ERP29: variants seen among roughly 807,000 people sequenced by gnomAD.
ERP29 encodes the protein endoplasmic reticulum resident protein 29.
A neutral mutation model predicts 21.7 loss-of-function variants in ERP29; 14 were observed. That is an observed-to-expected ratio of 0.64 (90% CI 0.43 to 1.01). The LOEUF (loss-of-function observed/expected upper bound fraction) is 1.01. Ranked by LOEUF, ERP29 falls within the 50% of genes least tolerant of loss-of-function variation. The pLI is 0.00. For synonymous variants in ERP29, 129 were observed against 139.1 expected, an observed-to-expected ratio of 0.93 and a Z score of 0.51; for missense variants, 286 against 327.3, an observed-to-expected ratio of 0.87 and a Z score of 0.97.
intron 1 of ERP29, chr12:112,015,259 A>ATG (rs2078004111): frequency 1.4e-5 from 2 of 144,484 alleles, no homozygotes; most frequent in South Asian, 4.6e-4. Flanking sequence ...AGGCTGAGGC[A>ATG]GGTAGATCAC....
chr12:112,022,409 G>C lies in ERP29; in HGVS notation c.543G>C (p.Leu181Phe), dbSNP rs771308412. The C allele has an allele frequency of 6.2e-7, 1 of 1,614,210 alleles. No homozygotes were observed. The highest frequency in any genetic ancestry group is 8.5e-7 in the Non-Finnish European group (1 of 1,180,022). ...ASGVEARQAL[L>F]KQGQDNLSSV... ...GTGTGGAGGCCCGCCAGGCCCTCTT[G>C]AAGCAGGGGCAAGATAACCTCTCAA... Residue 181 changes from leucine to phenylalanine, a missense_variant, in exon 3 of 3, where the codon TTG (leucine) becomes TTC (phenylalanine). Leu to Phe is a conservative substitution (Grantham distance 22). Coordinates refer to ENST00000261735, the MANE Select transcript of ERP29 (RefSeq NM_006817.4).
At chr12:112,015,680 G>C (rs1237307212) in intron 1 of ERP29, among the ~76,000 whole-genome samples, 1 of 152,094 alleles carries the variant, frequency 6.6e-6, no homozygotes, top group Admixed American at 6.6e-5. Context: ...AAAGCTAACA[G>C]TGTTTTCTAC....
At chr12:112,020,034 A>G (rs765811956) in intron 2 of ERP29, 140 bp downstream of exon 2, 86 of 1,046,568 alleles carry the variant, frequency 8.2e-5, no homozygotes, top group Non-Finnish European at 3.5e-5. Flanking sequence ...CATGGTCTCT[A>G]AAGGAATCTG....
At position 112,021,515 on chromosome 12, in the gene ERP29, CTTTTTTTTT is replaced by C. The variant is rs1164185865; in HGVS notation, c.284-617_284-609del. On this transcript the variant is annotated intron_variant, in intron 2 of 2. Coordinates refer to ENST00000261735, the MANE Select transcript of ERP29 (RefSeq NM_006817.4). ...CTTAGAAGAATATGAGCTTAATAGT[CTTTTTTTTT>C]TTTTTTTTTTTTTTTTTGAGACAAA... is the stretch of plus-strand genomic sequence containing the variant. Among the ~76,000 whole-genome samples the C allele has an allele frequency of 4.3e-5, 3 of 70,042 alleles. No individual in the cohort carries two copies. The East Asian group carries it at 2.4e-3, about 55-fold the overall frequency. The allele number at this position is 70,042 out of a possible 152,430, so 46.0% of individuals were successfully genotyped here. A position where few individuals can be genotyped will look rare whatever the true frequency, so the allele number is the denominator to read the frequency against.
chr12:112,013,509 T>G lies in ERP29; in HGVS notation c.44T>G (p.Leu15Arg). 1 of 1,612,564 alleles carries G rather than the reference T, an allele frequency of 6.2e-7. No individual in the cohort carries two copies. Among genetic ancestry groups the G allele is most frequent in the Middle Eastern group, 1.7e-4 (1 of 6,058 alleles). Reference sequence around the variant, plus strand: ...CGCGCCGCATTTCTCTCCCCGCTGCTTCCCCTTCTCCTGGGCTTCCTGCTC... The same window carrying G: ...CGCGCCGCATTTCTCTCCCCGCTGCGTCCCCTTCTCCTGGGCTTCCTGCTC... ...VPRAAFLSPL[L>R]PLLLGFLLLS... The change falls in exon 1 of 3, where the codon CTT becomes CGT. Residue 15 changes from leucine (L) to arginine (R), a missense_variant. Coordinates refer to ENST00000261735, the MANE Select transcript of ERP29 (RefSeq NM_006817.4).
chr12:112,020,982 T>C (rs901606178), intron 2 of ERP29, among the ~76,000 whole-genome samples: 1 of 152,226 alleles, frequency 6.6e-6, no homozygotes, highest in African/African-American at 2.4e-5. Context: ...TAGTTGGTCT[T>C]AGCCGTTTCT....
At chr12:112,022,027 TC>T (rs2078050189) in intron 2 of ERP29, 122 bp from the exon 3 acceptor site, 1 of 911,468 alleles carries the variant, frequency 1.1e-6, no homozygotes, top group Admixed American at 2.4e-5. Flanking sequence ...TGGTTGCTCC[TC>T]ACTTTGAACC....
At position 112,023,396 on chromosome 12, in the gene ERP29, C is replaced by T. The variant is rs891326430; in HGVS notation, c.*744C>T. 13 of 152,214 alleles carry T rather than the reference C, an allele frequency of 8.5e-5. No homozygotes were observed. Among genetic ancestry groups the T allele is most frequent in the Non-Finnish European group, 1.6e-4 (11 of 68,042 alleles). 9.4% of individuals were successfully genotyped at this position (152,214 alleles called of 1,614,324 possible). A position where few individuals can be genotyped will look rare whatever the true frequency, so the allele number is the denominator to read the frequency against. On this transcript the variant is annotated 3_prime_UTR_variant, in exon 3 of 3. Transcript: ENST00000261735. ...AAATATTTTCCATCTAAATCACTATCACTAAATAAATACTAACTTCTAGAA... is the reference window on the plus strand; with the variant it reads ...AAATATTTTCCATCTAAATCACTATTACTAAATAAATACTAACTTCTAGAA...
Position 112,013,548 on chromosome 12 carries a change from A to G in ERP29, c.83A>G (p.His28Arg), listed in dbSNP as rs748152416. ...LLGFLLLSAP[H>R]GGSGLHTKGA... The stretch of plus-strand genomic sequence containing the variant: ...GGCTTCCTGCTCCTCTCCGCTCCGC[A>G]TGGCGGCAGCGGCCTGCACACCAAG... The change falls in exon 1 of 3, where the codon CAT (histidine) becomes CGT (arginine). Residue 28 changes from histidine to arginine, a missense_variant. By Grantham distance (29) the His-to-Arg change is conservative (BLOSUM62 0). Transcript: ENST00000261735. 1.9e-6 allele frequency: 3 copies of G among 1,612,398 alleles called. No homozygotes were observed. Among genetic ancestry groups the G allele is most frequent in the East Asian group, 2.2e-5 (1 of 44,488 alleles).
intron 2 of ERP29, among the ~76,000 whole-genome samples, chr12:112,021,131 C>G (rs2078042196): frequency 1.3e-5 from 2 of 152,236 alleles, no homozygotes; most frequent in Admixed American, 1.3e-4. Context: ...CACATATTCC[C>G]TCATCCGGTC....
rs34441328 is a variant in ERP29 at position 112,022,391 on chromosome 12, G to T, written c.525G>T (p.Glu175Asp). 2.4e-3 allele frequency: 3,884 copies of T among 1,614,182 alleles called. 96 individuals carry two copies. The African/African-American group carries it at 0.046, about 19-fold the overall frequency. The change falls in exon 3 of 3, where the codon GAG becomes GAT. Residue 175 changes from glutamate to aspartate, a missense_variant. Coordinates refer to ENST00000261735, the MANE Select transcript of ERP29 (RefSeq NM_006817.4). ...AGTTCATCAGGGCCTCTGGTGTGGA[G>T]GCCCGCCAGGCCCTCTTGAAGCAGG... is the stretch of plus-strand genomic sequence containing the variant. The part of the protein sequence containing the change: ...AGEFIRASGV[E>D]ARQALLKQGQ...
chr12:112,021,815 C>T (rs182795757), intron 2 of ERP29, among the ~76,000 whole-genome samples: 4 of 152,158 alleles, frequency 2.6e-5, no homozygotes, highest in East Asian at 3.9e-4. Context: ...CATGAGCCAC[C>T]GCACCCGTCC....
At chr12:112,016,816 G>A (rs966735108) in intron 1 of ERP29, among the ~76,000 whole-genome samples, 1 of 152,090 alleles carries the variant, frequency 6.6e-6, no homozygotes, top group Non-Finnish European at 1.5e-5. Context: ...GCGTGAACAC[G>A]GGAGGCGGAG....
chr12:112,022,179 A>T lies in ERP29; in HGVS notation c.313A>T (p.Ser105Cys). 4 of 1,614,106 alleles carry T rather than the reference A, an allele frequency of 2.5e-6. No individual in the cohort carries two copies. The highest frequency in any genetic ancestry group is 2.5e-6 in the Non-Finnish European group (3 of 1,179,990). The change falls in exon 3 of 3, where the codon AGT becomes TGT. Residue 105 changes from serine to cysteine, a missense_variant. Transcript: ENST00000261735. ...DYGDKLNMEL[S>C]EKYKLDKESY... ...TGGTGACAAGCTGAACATGGAGCTG[A>T]GTGAGAAATACAAGCTGGACAAAGA...
intron 1 of ERP29, among the ~76,000 whole-genome samples, chr12:112,014,214 A>G (rs2077977590): frequency 6.6e-6 from 1 of 152,180 alleles, no homozygotes; most frequent in Admixed American, 6.5e-5. Flanking sequence ...CCTGTTAGAA[A>G]CCGGGCCGCA....
At chr12:112,016,482 C>T (rs552174131) in intron 1 of ERP29, among the ~76,000 whole-genome samples, 5 of 152,176 alleles carry the variant, frequency 3.3e-5, no homozygotes, top group South Asian at 2.1e-4. Flanking sequence ...ACTCAATGAA[C>T]GAATGAATGA....
chr12:112,013,744 C>G (rs2077963677), intron 1 of ERP29, 135 bp downstream of exon 1: 5 of 961,680 alleles, frequency 5.2e-6, no homozygotes, highest in Non-Finnish European at 7.5e-6. Context: ...TCCCGGCGTC[C>G]TACAGGCCTA....
At chr12:112,015,592 A>G (rs547993000) in intron 1 of ERP29, among the ~76,000 whole-genome samples, 1 of 151,942 alleles carries the variant, frequency 6.6e-6, no homozygotes, top group South Asian at 2.1e-4. Flanking sequence ...GCAAAATGAC[A>G]CCCCTACCCC....
rs1262553589 is a variant in ERP29 at position 112,022,517 on chromosome 12, A to G, written c.651A>G (p.Pro217=). 6.2e-7 allele frequency: 1 copy of G among 1,614,212 alleles called. No homozygotes were observed. Among genetic ancestry groups the G allele is most frequent in the East Asian group, 2.2e-5 (1 of 44,880 alleles). The change falls in exon 3 of 3, where the codon CCA becomes CCG. Residue 217 remains proline, a synonymous_variant. Transcript: ENST00000261735. ...GKILDQGEDF[P]ASEMTRIARL... Reference sequence around the variant, plus strand: ...TCTTAGACCAAGGGGAGGACTTCCCAGCATCAGAGATGACACGGATCGCCA... The same window carrying G: ...TCTTAGACCAAGGGGAGGACTTCCCGGCATCAGAGATGACACGGATCGCCA...
Sources: allele counts gnomAD v4.1 joint callset (sites outside exome capture counted in the v4.1 genomes callset), GRCh38; gene constraint gnomAD v4.1.1; transcripts MANE v1.5; gene names NCBI Gene and HGNC (gene_info 2026-07-23, HGNC 2026-07-21).